The following TXK variants were observed in gnomAD, a reference collection of about 807,000 sequenced individuals.
TXK encodes tyrosine-protein kinase TXK.
In TXK, 60 loss-of-function variants were observed where a neutral mutation model predicts 81.0. The observed-to-expected ratio is 0.74, with a 90% CI of 0.60 to 0.92. The LOEUF (loss-of-function observed/expected upper bound fraction) is 0.92, where lower values mean the gene tolerates loss of function less well. Ranked by LOEUF, TXK falls within the 40% of genes least tolerant of loss-of-function variation. The pLI is 0.00. For missense variants in TXK, 581 were observed against 638.3 expected (o/e 0.91, Z 0.97); for synonymous variants, 203 against 210.7 (o/e 0.96, Z 0.32).
intron 6 of TXK, 37 bp from the exon 7 acceptor site, chr4:48,095,259 T>C (rs1372475356): frequency 1.3e-6 from 2 of 1,545,598 alleles, no homozygotes; most frequent in Non-Finnish European, 1.8e-6. Flanking sequence ...AGTCTATTCC[T>C]TCTTAGAAAG....
At position 48,095,261 on chromosome 4, in the gene TXK, C is replaced by T. The variant is rs769212945; in HGVS notation, c.502-39G>A. ...CATTTATTGAATAAGTCTATTCCTT[C>T]TTAGAAAGACAAACCTACAACTCAG... On this transcript the variant is annotated intron_variant, in intron 6 of 14. Coordinates refer to ENST00000264316, the MANE Select transcript of TXK (RefSeq NM_003328.3). 8 of 1,517,388 alleles carry T rather than the reference C, an allele frequency of 5.3e-6. No homozygotes were observed. The East Asian group carries it at 1.6e-4, about 30-fold the overall frequency. The allele number at this position is 1,517,388 out of a possible 1,614,324, so 94.0% of individuals were successfully genotyped here. A position where few individuals can be genotyped will look rare whatever the true frequency, so the allele number is the denominator to read the frequency against.
At chr4:48,072,530 T>C (rs1716904959) in intron 13 of TXK, among the ~76,000 whole-genome samples, 1 of 152,228 alleles carries the variant, frequency 6.6e-6, no homozygotes, top group Non-Finnish European at 1.5e-5. Context: ...AGATGTCCAA[T>C]AATCATTGAT....
At chr4:48,119,517 C>A (rs1475180328) in intron 1 of TXK, among the ~76,000 whole-genome samples, 1 of 152,148 alleles carries the variant, frequency 6.6e-6, no homozygotes, top group African/African-American at 2.4e-5. Context: ...TCATTGCTCC[C>A]CCCGATTTCT....
At chr4:48,128,257 T>A (rs1019807265) in intron 1 of TXK, among the ~76,000 whole-genome samples, 3 of 152,206 alleles carry the variant, frequency 2.0e-5, no homozygotes, top group Non-Finnish European at 4.4e-5. Context: ...TTTAAAAACA[T>A]GGCTTGAAAC....
intron 10 of TXK, among the ~76,000 whole-genome samples, chr4:48,080,831 A>C (rs1717272951): frequency 6.6e-6 from 1 of 152,140 alleles, no homozygotes; most frequent in Non-Finnish European, 1.5e-5. Flanking sequence ...TTTTATGCCA[A>C]CTAGTCATCA....
intron 5 of TXK, among the ~76,000 whole-genome samples, chr4:48,105,366 C>T (rs1718419218): frequency 6.6e-6 from 1 of 152,134 alleles, no homozygotes; most frequent in South Asian, 2.1e-4. Flanking sequence ...TTTGTTACCC[C>T]TTCCAAAAAT....
intron 4 of TXK, among the ~76,000 whole-genome samples, chr4:48,110,930 G>C (rs1370768657): frequency 6.6e-6 from 1 of 152,136 alleles, no homozygotes; most frequent in Admixed American, 6.5e-5. Flanking sequence ...CAAAGACATC[G>C]ACTTCATTCT....
chr4:48,079,818 AG>A, intron 11 of TXK, 93 bp downstream of exon 11: 1 of 886,578 alleles, frequency 1.1e-6, no homozygotes, highest in East Asian at 2.4e-5. Context: ...AATTAAATCA[AG>A]GACACATTAT....
At chr4:48,086,721 T>C (rs113636667) in intron 9 of TXK, 84 bp from the exon 10 acceptor site, 2 of 1,299,120 alleles carry the variant, frequency 1.5e-6, no homozygotes, top group South Asian at 1.3e-5. Flanking sequence ...GAAGTATCTA[T>C]TATTTGACAG....
At chr4:48,087,673 G>T (rs1022725343) in intron 9 of TXK, among the ~76,000 whole-genome samples, 1 of 152,022 alleles carries the variant, frequency 6.6e-6, no homozygotes, top group Admixed American at 6.6e-5. Context: ...GAGCTCAGGC[G>T]ATCTGCCCAC....
At chr4:48,100,086 G>C (rs1480245768) in intron 6 of TXK, among the ~76,000 whole-genome samples, 1 of 148,262 alleles carries the variant, frequency 6.7e-6, no homozygotes, top group Non-Finnish European at 1.5e-5. Flanking sequence ...GCAGGAGAAT[G>C]GCGTGAACCC....
rs568456187 is a variant in TXK at position 48,099,419 on chromosome 4, A to T, written c.502-4197T>A. ...TCCAAGAGCCATGAATTTAATTTTA[A>T]TTTTTTTCTATATGAATATCAATAT... On this transcript the variant is annotated intron_variant, in intron 6 of 14. Transcript: ENST00000264316. Among the ~76,000 whole-genome samples, 6 of 152,212 alleles carry T rather than the reference A, an allele frequency of 3.9e-5. No individual in the cohort carries two copies. The East Asian group carries it at 1.2e-3, about 29-fold the overall frequency.
At chr4:48,101,797 GAA>G (rs1194809243) in intron 6 of TXK, among the ~76,000 whole-genome samples, 1 of 134,196 alleles carries the variant, frequency 7.5e-6, no homozygotes, top group African/African-American at 2.7e-5. Context: ...CTTATACTAA[GAA>G]AAAAAAAAAG....
chr4:48,086,799 C>T lies in TXK; in HGVS notation c.785-162G>A, dbSNP rs186256259. 9.9e-5 allele frequency among the ~76,000 whole-genome samples: 15 copies of T among 152,276 alleles called. No homozygotes were observed. In the East Asian group the frequency reaches 1.7e-3, roughly 18 times the overall value. On this transcript the variant is annotated intron_variant, in intron 9 of 14. Coordinates refer to ENST00000264316, the MANE Select transcript of TXK (RefSeq NM_003328.3). ...TTTAATACTCTCACTGTGGCTTAAA[C>T]GTAATTCAAGGACTCAAGTTTCAAA...
chr4:48,087,731 G>A (rs763843050), intron 9 of TXK, among the ~76,000 whole-genome samples: 1 of 152,012 alleles, frequency 6.6e-6, no homozygotes, highest in African/African-American at 2.4e-5. Context: ...CACCACACCC[G>A]GCCTCATAGG....
At position 48,112,488 on chromosome 4, in the gene TXK, A is replaced by T; in HGVS notation, c.199T>A (p.Ser67Thr). The stretch of plus-strand genomic sequence containing the variant: ...AGGGGAGGCAGTGGCTTTCGTTTTG[A>T]CGGCTGCACACGGCCCGTGTTGGAC... ...KQSNTGRVQP[S>T]KRKPLPPLPP... Residue 67 changes from serine (S) to threonine (T), a missense_variant, in exon 4 of 15, where the codon TCA becomes ACA. Coordinates refer to ENST00000264316, the MANE Select transcript of TXK (RefSeq NM_003328.3). 1 of 1,614,058 alleles carries T rather than the reference A, an allele frequency of 6.2e-7. No individual in the cohort carries two copies. The highest frequency in any genetic ancestry group is 8.5e-7 in the Non-Finnish European group (1 of 1,179,960).
intron 13 of TXK, among the ~76,000 whole-genome samples, chr4:48,072,097 G>A (rs548795293): frequency 2.6e-5 from 4 of 151,918 alleles, no homozygotes; most frequent in East Asian, 1.9e-4. Context: ...TCTGTCTCCC[G>A]GGTTCAAGCA....
chr4:48,104,953 C>T lies in TXK; in HGVS notation c.449G>A (p.Trp150Ter). 2 of 1,581,816 alleles carry T rather than the reference C, an allele frequency of 1.3e-6. No homozygotes were observed. The highest frequency in any genetic ancestry group is 1.4e-5 in the African/African-American group (1 of 73,706). Reference protein sequence around the residue: ...NKITNLEIYEWYHRNITRNQA... With the variant: ...NKITNLEIYE ...ATTTCTGGTAATGTTTCTATGGTAC[C>T]ACCTGTAAAAGCAATAAAAATGATT... is the stretch of plus-strand genomic sequence containing the variant. Residue 150 changes from tryptophan (W) to a stop codon, truncating the protein, a stop_gained and splice_region_variant, in exon 6 of 15, where the codon TGG becomes TAG. Coordinates refer to ENST00000264316, the MANE Select transcript of TXK (RefSeq NM_003328.3). LOFTEE classifies it high-confidence loss of function.
At chr4:48,131,528 T>C (rs539149847) in intron 1 of TXK, among the ~76,000 whole-genome samples, 4 of 152,278 alleles carry the variant, frequency 2.6e-5, no homozygotes, top group South Asian at 4.1e-4. Flanking sequence ...TAAACACTCA[T>C]TGTTTTACCC....
Sources: gnomAD v4.1 joint callset for allele counts (sites outside exome capture counted in the v4.1 genomes callset) on GRCh38, gnomAD v4.1.1 for gene constraint, MANE v1.5 for transcripts, NCBI Gene and HGNC (gene_info 2026-07-23, HGNC 2026-07-21) for gene names.